Variants in EPHA3 observed in about 807,000 individuals in gnomAD.
EPHA3 encodes the protein ephrin type-A receptor 3.
In EPHA3, 42 loss-of-function variants were observed where a neutral mutation model predicts 107.1. That is an observed-to-expected ratio of 0.39 (90% CI 0.31 to 0.51). The LOEUF (loss-of-function observed/expected upper bound fraction) is 0.51, where lower values mean the gene tolerates loss of function less well. Ranked by LOEUF, EPHA3 falls within the 20% of genes least tolerant of loss-of-function variation. The probability of loss-of-function intolerance (pLI) is 0.78; values close to 1 mark genes in which losing one functional copy is unlikely to be tolerated. For missense variants in EPHA3, 1,183 were observed against 1,211.2 expected, an observed-to-expected ratio of 0.98 and a Z score of 0.35; for synonymous variants, 461 against 424.8, an observed-to-expected ratio of 1.09 and a Z score of -1.05.
chr3:89,461,194 T>C (rs1374493854), intron 15 of EPHA3, among the ~76,000 whole-genome samples: 2 of 105,410 alleles, frequency 1.9e-5, no homozygotes, highest in African/African-American at 4.5e-5. Context: ...CCATGGTGTA[T>C]ATGTGCCACA....
chr3:89,315,637 TCTTGTCCA>T (rs1706879670), intron 3 of EPHA3, among the ~76,000 whole-genome samples: 1 of 149,826 alleles, frequency 6.7e-6, no homozygotes, highest in South Asian at 2.1e-4. Context: ...AAAAAAGCAA[TCTTGTCCA>T]CTTAACCATC....
At chr3:89,370,251 T>C (rs924342740) in intron 5 of EPHA3, among the ~76,000 whole-genome samples, 2 of 145,248 alleles carry the variant, frequency 1.4e-5, no homozygotes, top group Non-Finnish European at 3.1e-5. Flanking sequence ...AGACTTGGAA[T>C]CAACCCAAAT....
chr3:89,413,040 G>A, intron 9 of EPHA3, 101 bp from the exon 10 acceptor site: 1 of 1,492,180 alleles, frequency 6.7e-7, no homozygotes, highest in Admixed American at 1.8e-5. Flanking sequence ...TGCACCTTAT[G>A]GGGTAGGGAT....
At chr3:89,434,493 CAG>C (rs1186204611) in intron 13 of EPHA3, among the ~76,000 whole-genome samples, 1 of 152,184 alleles carries the variant, frequency 6.6e-6, no homozygotes, top group Admixed American at 6.5e-5. Flanking sequence ...GCTGGGATTA[CAG>C]GCGTGAGCCA....
intron 2 of EPHA3, among the ~76,000 whole-genome samples, chr3:89,208,574 G>GAGAA (rs752636379): frequency 3.2e-5 from 4 of 123,778 alleles, no homozygotes; most frequent in Admixed American, 1.8e-4. Flanking sequence ...TAAAAAGAAA[G>GAGAA]AGAAAGAAAG....
intron 3 of EPHA3, among the ~76,000 whole-genome samples, chr3:89,230,354 T>C (rs1295346470): frequency 6.6e-6 from 1 of 152,140 alleles, no homozygotes; most frequent in Non-Finnish European, 1.5e-5. Flanking sequence ...GCCTAAATTA[T>C]GAATTTTTGT....
chr3:89,341,135 GTTTGTT>G, intron 4 of EPHA3, 64 bp downstream of exon 4: 4 of 1,496,096 alleles, frequency 2.7e-6, no homozygotes. Flanking sequence ...TTACTGTGCT[GTTTGTT>G]TTTGTTTTAA....
intron 16 of EPHA3, among the ~76,000 whole-genome samples, chr3:89,472,890 T>A (rs1295758757): frequency 6.6e-6 from 1 of 152,112 alleles, no homozygotes; most frequent in African/African-American, 2.4e-5. Flanking sequence ...ACCAACAGAT[T>A]CACACCCATA....
chr3:89,273,429 G>T (rs1396457114), intron 3 of EPHA3, among the ~76,000 whole-genome samples: 1 of 151,658 alleles, frequency 6.6e-6, no homozygotes, highest in Non-Finnish European at 1.5e-5. Context: ...TTTTCTTTTT[G>T]CCCATTTCCA....
intron 1 of EPHA3, among the ~76,000 whole-genome samples, chr3:89,117,904 T>G (rs1313875717): frequency 2.0e-5 from 3 of 152,096 alleles, no homozygotes; most frequent in African/African-American, 7.2e-5. Flanking sequence ...CTGATCATGG[T>G]AGATTTTGCT....
intron 6 of EPHA3, among the ~76,000 whole-genome samples, chr3:89,397,544 T>A (rs1559680663): frequency 1.3e-5 from 2 of 151,924 alleles, no homozygotes; most frequent in Non-Finnish European, 2.9e-5. Context: ...CTGCCTTATT[T>A]CAAACTCCCT....
intron 3 of EPHA3, among the ~76,000 whole-genome samples, chr3:89,216,758 G>T (rs1576238524): frequency 6.6e-6 from 1 of 152,108 alleles, no homozygotes; most frequent in African/African-American, 2.4e-5. Flanking sequence ...TACTATAAAA[G>T]CTTCTGTGTT....
chr3:89,266,723 C>T (rs533542534), intron 3 of EPHA3, among the ~76,000 whole-genome samples: 2 of 152,014 alleles, frequency 1.3e-5, no homozygotes, highest in Admixed American at 1.3e-4. Context: ...TATAATTCTT[C>T]TGATATTTCT....
At chr3:89,190,219 T>C (rs1037364140) in intron 2 of EPHA3, among the ~76,000 whole-genome samples, 17 of 152,110 alleles carry the variant, frequency 1.1e-4, no homozygotes, top group African/African-American at 3.9e-4. Flanking sequence ...TAAAGAAAAA[T>C]ATTAACATTT....
At chr3:89,264,302 C>G (rs1705487210) in intron 3 of EPHA3, among the ~76,000 whole-genome samples, 1 of 152,084 alleles carries the variant, frequency 6.6e-6, no homozygotes, top group African/African-American at 2.4e-5. Flanking sequence ...AATAAAGGAG[C>G]TGCTTGTCAC....
intron 3 of EPHA3, among the ~76,000 whole-genome samples, chr3:89,233,492 G>A (rs1704684786): frequency 6.6e-6 from 1 of 152,130 alleles, no homozygotes; most frequent in African/African-American, 2.4e-5. Flanking sequence ...CATTGTTATT[G>A]TTGTTGACAT....
At chr3:89,296,505 G>A (rs796195193) in intron 3 of EPHA3, among the ~76,000 whole-genome samples, 32 of 152,286 alleles carry the variant, frequency 2.1e-4, no homozygotes, top group African/African-American at 7.5e-4. Context: ...GGTCTCAATA[G>A]TGGGCTTGAA....
intron 10 of EPHA3, among the ~76,000 whole-genome samples, chr3:89,416,824 ACACTCTTAATTGG>A (rs1215313679): frequency 2.0e-5 from 3 of 151,432 alleles, no homozygotes; most frequent in Non-Finnish European, 4.4e-5. Context: ...ACAACAAAGA[ACACTCTTAATTGG>A]CTCATTTAAA....
Position 89,449,273 on chromosome 3 carries a change from C to T in EPHA3, c.2395C>T (p.Arg799Cys), listed in dbSNP as rs1203973847. ...RWTSPEAIAY[R>C]KFTSASDVWS... Reference sequence around the variant, plus strand: ...GACATCACCAGAAGCTATAGCCTACCGCAAGTTCACGTCAGCCAGCGATGT... The same window carrying T: ...GACATCACCAGAAGCTATAGCCTACTGCAAGTTCACGTCAGCCAGCGATGT... The change falls in exon 14 of 17, where the codon CGC (arginine) becomes TGC (cysteine). Residue 799 changes from arginine (R) to cysteine (C), a missense_variant. Coordinates refer to ENST00000336596, the MANE Select transcript of EPHA3 (RefSeq NM_005233.6). 3.1e-6 allele frequency: 5 copies of T among 1,611,428 alleles called. No homozygotes were observed. The highest frequency in any genetic ancestry group is 4.5e-5 in the East Asian group (2 of 44,816).
Sources: allele counts gnomAD v4.1 joint callset (sites outside exome capture counted in the v4.1 genomes callset), GRCh38; gene constraint gnomAD v4.1.1; transcripts MANE v1.5; gene names NCBI Gene and HGNC (gene_info 2026-07-23, HGNC 2026-07-21).